The following ZNF592 variants were observed in gnomAD, a reference collection of about 807,000 sequenced individuals.
ZNF592 encodes the protein zinc finger protein 592.
A neutral mutation model predicts 80.3 loss-of-function variants in ZNF592; 11 were observed. That is an observed-to-expected ratio of 0.14 (90% CI 0.09 to 0.23). The LOEUF is 0.23. ZNF592 is among the 10% of genes least tolerant of loss of function. The pLI is 1.00. For synonymous variants in ZNF592, 646 were observed against 640.3 expected, an observed-to-expected ratio of 1.01 and a Z score of -0.13; for missense variants, 1,420 against 1,633.9, an observed-to-expected ratio of 0.87 and a Z score of 2.26.
rs1021579816 is a variant in ZNF592, at chr15:84,764,796, G to A, written c.-169G>A. 2.5e-6 allele frequency: 1 copy of A among 398,706 alleles called. No homozygotes were observed. Among genetic ancestry groups the A allele is most frequent in the African/African-American group, 2.1e-5 (1 of 48,544 alleles). The allele number at this position is 398,706 out of a possible 1,614,324, so 24.7% of individuals were successfully genotyped here. On this transcript the variant is annotated 5_prime_UTR_variant, in exon 2 of 11. Coordinates refer to ENST00000560079, the MANE Select transcript of ZNF592 (RefSeq NM_014630.3). ...CCCTAGCAACGCTCGCCACACCCTT[G>A]TTTTGAGATCCTCTCTAAGGTATGA...
At chr15:84,755,151 A>T in intron 1 of ZNF592, among the ~76,000 whole-genome samples, 1 of 137,386 alleles carries the variant, frequency 7.3e-6, no homozygotes, top group African/African-American at 2.7e-5. Context: ...TTTTTAGTAG[A>T]GTTGGTGTTT....
chr15:84,751,413 T>C (rs1216951615), intron 1 of ZNF592, among the ~76,000 whole-genome samples: 3 of 152,228 alleles, frequency 2.0e-5, no homozygotes, highest in Admixed American at 2.0e-4. Flanking sequence ...GTTTGCATTT[T>C]GCTCCTGTCA....
intron 3 of ZNF592, among the ~76,000 whole-genome samples, chr15:84,781,471 A>G (rs1174020011): frequency 6.6e-6 from 1 of 151,182 alleles, no homozygotes; most frequent in Non-Finnish European, 1.5e-5. Context: ...ATAATGCTGT[A>G]ACATATACTT....
chr15:84,758,250 G>A (rs1899238944), intron 1 of ZNF592, among the ~76,000 whole-genome samples: 2 of 152,090 alleles, frequency 1.3e-5, no homozygotes, highest in African/African-American at 2.4e-5. Context: ...TGGGATTACA[G>A]GCATGAGCCA....
intron 4 of ZNF592, among the ~76,000 whole-genome samples, chr15:84,788,692 T>C (rs1962655100): frequency 6.6e-6 from 1 of 152,222 alleles, no homozygotes; most frequent in African/African-American, 2.4e-5. Flanking sequence ...GTTGCAAAAC[T>C]GAAACCCTGT....
intron 5 of ZNF592, among the ~76,000 whole-genome samples, chr15:84,796,812 T>C (rs1033651216): frequency 3.9e-5 from 6 of 152,192 alleles, no homozygotes; most frequent in Non-Finnish European, 8.8e-5. Flanking sequence ...CACAGCACTT[T>C]TGAGCTGCAT....
chr15:84,784,399 C>T lies in ZNF592; in HGVS notation c.1724C>T (p.Pro575Leu). ...CTCTATGCGCCAAATCTCAGCCCGC[C>T]TGCGGACAGCAGGATCCACGTGCCG... ...VPLYAPNLSP[P>L]ADSRIHVPAS... The change falls in exon 4 of 11, where the codon CCT (proline) becomes CTT (leucine). Residue 575 changes from proline to leucine, a missense_variant. Physicochemically the swap from Pro to Leu is moderately conservative, Grantham distance 98 (BLOSUM62 -3). This residue lies in a region of ZNF592 where 524 missense variants were observed against 628.3 expected (regional missense o/e 0.83). Coordinates refer to ENST00000560079, the MANE Select transcript of ZNF592 (RefSeq NM_014630.3). This position sits in a 1 kb window ranked among gnomAD's most constrained non-coding sequence, Gnocchi z 5.8. The T allele has an allele frequency of 6.2e-7, 1 of 1,614,236 alleles. No individual in the cohort carries two copies. Among genetic ancestry groups the T allele is most frequent in the Non-Finnish European group, 8.5e-7 (1 of 1,180,050 alleles).
chr15:84,791,584 T>G (rs185889992), intron 5 of ZNF592, among the ~76,000 whole-genome samples: 73 of 152,324 alleles, frequency 4.8e-4, no homozygotes, highest in African/African-American at 1.7e-3. Context: ...TTTGACTTTT[T>G]TGTGTGTACT....
chr15:84,775,925 C>T (rs1962238138), intron 2 of ZNF592, among the ~76,000 whole-genome samples: 1 of 152,136 alleles, frequency 6.6e-6, no homozygotes, highest in South Asian at 2.1e-4. Context: ...AAAATATTTC[C>T]AGATATTCCC....
At chr15:84,752,921 G>A (rs947856577) in intron 1 of ZNF592, among the ~76,000 whole-genome samples, 8 of 152,306 alleles carry the variant, frequency 5.3e-5, no homozygotes, top group Non-Finnish European at 7.3e-5. Flanking sequence ...AAACTGCAGA[G>A]TGACAGATGT....
Position 84,783,407 on chromosome 15 carries a change from C to A in ZNF592, c.732C>A (p.Phe244Leu). 1 of 1,614,186 alleles carries A rather than the reference C, an allele frequency of 6.2e-7. No homozygotes were observed. The highest frequency in any genetic ancestry group is 1.3e-5 in the African/African-American group (1 of 75,040). Residue 244 changes from phenylalanine to leucine, a missense_variant, in exon 4 of 11, where the codon TTC (phenylalanine) becomes TTA (leucine). By Grantham distance (22) the Phe-to-Leu change is conservative. Coordinates refer to ENST00000560079, the MANE Select transcript of ZNF592 (RefSeq NM_014630.3). This position sits in a 1 kb window ranked among gnomAD's most constrained non-coding sequence, Gnocchi z 5.0. ...GATTCTTCGGGGAAGCTTTGGAGTT[C>A]AACAGCCATCCTAGCAACAGTATTG... ...ATRFFGEALEFNSHPSNSIGE... is the reference protein window; with the variant it reads ...ATRFFGEALELNSHPSNSIGE...
Position 84,782,773 on chromosome 15 carries a change from C to G in ZNF592, c.98C>G (p.Pro33Arg). 6.2e-7 allele frequency: 1 copy of G among 1,614,056 alleles called. No individual in the cohort carries two copies. The highest frequency in any genetic ancestry group is 8.5e-7 in the Non-Finnish European group (1 of 1,180,026). ...GATGCCAAGGAGGCCATCCAGACAC[C>G]CAGTGAGGAGAATGAGAGTCCCCTC... is the stretch of plus-strand genomic sequence containing the variant. ...SLDAKEAIQT[P>R]SEENESPLKP... Residue 33 changes from proline (P) to arginine (R), a missense_variant, in exon 4 of 11, where the codon CCC becomes CGC. By Grantham distance (103) the Pro-to-Arg change is moderately radical. Coordinates refer to ENST00000560079, the MANE Select transcript of ZNF592 (RefSeq NM_014630.3).
At chr15:84,761,649 A>G (rs1449143737) in intron 1 of ZNF592, among the ~76,000 whole-genome samples, 1 of 152,184 alleles carries the variant, frequency 6.6e-6, no homozygotes, top group East Asian at 1.9e-4. Flanking sequence ...AGCAGGCAAT[A>G]GTATCCCAGA....
intron 5 of ZNF592, among the ~76,000 whole-genome samples, chr15:84,796,627 T>G (rs945166613): frequency 2.6e-5 from 4 of 152,012 alleles, no homozygotes; most frequent in Non-Finnish European, 5.9e-5. Flanking sequence ...AGAGAGATGT[T>G]GTGAAGTTGA....
At chr15:84,786,379 G>T (rs1296216153) in intron 4 of ZNF592, among the ~76,000 whole-genome samples, 1 of 152,194 alleles carries the variant, frequency 6.6e-6, no homozygotes, top group Non-Finnish European at 1.5e-5. Flanking sequence ...TTTAAGTTGG[G>T]CTTGCAAGGA....
chr15:84,764,520 G>T (rs776877596), intron 1 of ZNF592, among the ~76,000 whole-genome samples, 187 bp from the exon 2 acceptor site: 1 of 152,168 alleles, frequency 6.6e-6, no homozygotes, highest in Non-Finnish European at 1.5e-5. Context: ...GGGAGCAGAC[G>T]TGGAGCTGGG....
At chr15:84,785,901 C>T (rs1962574695) in intron 4 of ZNF592, among the ~76,000 whole-genome samples, 1 of 151,774 alleles carries the variant, frequency 6.6e-6, no homozygotes, top group Non-Finnish European at 1.5e-5. Context: ...CTGAGAATAC[C>T]CTTTGGCACC....
rs1384988561 is a variant in ZNF592 at position 84,778,275 on chromosome 15, G to A, written c.-57G>A. 2 of 285,868 alleles carry A rather than the reference G, an allele frequency of 7.0e-6. No homozygotes were observed. The highest frequency in any genetic ancestry group is 3.0e-5 in the South Asian group (1 of 33,148). The allele number at this position is 285,868 out of a possible 1,614,324, so 17.7% of individuals were successfully genotyped here. A position where few individuals can be genotyped will look rare whatever the true frequency, so the allele number is the denominator to read the frequency against. ...CAGAGGGAGGGGGGGCTCCAAAGCC[G>A]AAAGAGGAGGTCCCTACCTGCCACG... On this transcript the variant is annotated 5_prime_UTR_variant, in exon 3 of 11. Coordinates refer to ENST00000560079, the MANE Select transcript of ZNF592 (RefSeq NM_014630.3).
At chr15:84,749,777 C>CT (rs758570517) in intron 1 of ZNF592, among the ~76,000 whole-genome samples, 6 of 152,200 alleles carry the variant, frequency 3.9e-5, no homozygotes, top group Non-Finnish European at 8.8e-5. Context: ...TTTTAGTAGT[C>CT]TGTTTCCTCA....
Sources: gnomAD v4.1 joint callset for allele counts (sites outside exome capture counted in the v4.1 genomes callset) on GRCh38, gnomAD v4.1.1 for gene constraint, gnomAD v4.1.1 regional missense constraint, Gnocchi (gnomAD v3.1) non-coding constraint, MANE v1.5 for transcripts, NCBI Gene and HGNC (gene_info 2026-07-23, HGNC 2026-07-21) for gene names.